Variants in CDH13 observed in about 807,000 individuals in gnomAD.
CDH13 encodes the protein cadherin 13.
A neutral mutation model predicts 63.8 loss-of-function variants in CDH13; 24 were observed. That is an observed-to-expected ratio of 0.38 (90% CI 0.27 to 0.53). The LOEUF is 0.53. Among genes scored for constraint, CDH13 ranks in the 20% least tolerant of loss-of-function variants. The pLI, the probability that CDH13 is intolerant of heterozygous loss-of-function variation, is 0.85. For synonymous variants in CDH13, 503 were observed against 355.3 expected (o/e 1.42, Z -4.67); for missense variants, 1,049 against 903.1 (o/e 1.16, Z -2.07).
intron 1 of CDH13, among the ~76,000 whole-genome samples, chr16:82,830,364 C>T (rs568991443): frequency 4.1e-4 from 63 of 152,304 alleles, no homozygotes; most frequent in African/African-American, 1.5e-3. Flanking sequence ...GTAGGGATTA[C>T]AGAGTTGAGC....
At chr16:82,762,385 T>G (rs545858734) in intron 1 of CDH13, among the ~76,000 whole-genome samples, 11 of 152,354 alleles carry the variant, frequency 7.2e-5, no homozygotes, top group African/African-American at 2.2e-4. Flanking sequence ...TGTGATTTTC[T>G]AAAATATTAT....
At chr16:83,028,434 C>T (rs955295405) in intron 2 of CDH13, among the ~76,000 whole-genome samples, 6 of 152,088 alleles carry the variant, frequency 3.9e-5, no homozygotes, top group Non-Finnish European at 5.9e-5. Flanking sequence ...CTTTGCAGAG[C>T]GATCAAAAGG....
intron 4 of CDH13, among the ~76,000 whole-genome samples, chr16:83,128,155 G>A (rs1298058552): frequency 6.6e-6 from 1 of 152,184 alleles, no homozygotes; most frequent in African/African-American, 2.4e-5. Flanking sequence ...AGATGTCAGG[G>A]CTCCACCCTC....
chr16:83,298,466 C>G (rs951602503), intron 5 of CDH13, among the ~76,000 whole-genome samples: 3 of 152,122 alleles, frequency 2.0e-5, no homozygotes, highest in African/African-American at 7.2e-5. Context: ...GGCCCTACCT[C>G]AAGCCTGCAA....
chr16:83,164,955 A>G (rs559151324), intron 4 of CDH13, among the ~76,000 whole-genome samples: 13 of 151,914 alleles, frequency 8.6e-5, no homozygotes, highest in African/African-American at 2.7e-4. Flanking sequence ...AGGTAAAACC[A>G]TGGCAGAACT....
At chr16:83,180,632 G>C (rs1249681065) in intron 4 of CDH13, among the ~76,000 whole-genome samples, 1 of 152,120 alleles carries the variant, frequency 6.6e-6, no homozygotes, top group Non-Finnish European at 1.5e-5. Context: ...TGAAAACATG[G>C]TCCCAGCAGT....
chr16:83,213,801 TA>T lies in CDH13; in HGVS notation c.484-3543del, dbSNP rs2039408459. Reference sequence around the variant, plus strand: ...GAGTGGGGACTTGCAGAACTTTTCTTAGAAGAGGATGGTAAAATGCACCAAT... The same window carrying T: ...GAGTGGGGACTTGCAGAACTTTTCTTGAAGAGGATGGTAAAATGCACCAAT... On this transcript the variant is annotated intron_variant, in intron 4 of 13. Transcript: ENST00000567109. Among the ~76,000 whole-genome samples the T allele has an allele frequency of 3.3e-5, 5 of 152,076 alleles. 1 individual carries two copies. The South Asian group carries it at 1.0e-3, about 32-fold the overall frequency.
intron 10 of CDH13, among the ~76,000 whole-genome samples, chr16:83,744,303 A>T (rs1483420424): frequency 6.6e-6 from 1 of 152,232 alleles, no homozygotes; most frequent in Non-Finnish European, 1.5e-5. Flanking sequence ...CTACTGGGAA[A>T]GTCACACTGG....
At chr16:82,748,346 G>T (rs1011877173) in intron 1 of CDH13, among the ~76,000 whole-genome samples, 1 of 152,184 alleles carries the variant, frequency 6.6e-6, no homozygotes, top group Non-Finnish European at 1.5e-5. Context: ...GTTTTGCTTG[G>T]TATCAGCTTT....
In CDH13 at chr16:82,681,073, G is replaced by C. The variant is rs567507309; in HGVS notation, c.45+53936G>C. 3.6e-4 allele frequency among the ~76,000 whole-genome samples: 55 copies of C among 152,310 alleles called. 2 individuals are homozygous for C. Among genetic ancestry groups the C allele is most frequent in the African/African-American group, 1.3e-3 (54 of 41,550 alleles). ...AGGTCTGTTCTGGCATGGCAAAGGG[G>C]CTTGCCCAGCACTATCAGCAATCTG... On this transcript the variant is annotated intron_variant, in intron 1 of 13. Transcript: ENST00000567109.
At chr16:82,713,995 G>T (rs1012401271) in intron 1 of CDH13, among the ~76,000 whole-genome samples, 1 of 152,042 alleles carries the variant, frequency 6.6e-6, no homozygotes, top group Non-Finnish European at 1.5e-5. Flanking sequence ...CTAGGCTGGA[G>T]TGCATGTTGG....
At chr16:82,805,485 T>C (rs2037095130) in intron 1 of CDH13, among the ~76,000 whole-genome samples, 1 of 151,780 alleles carries the variant, frequency 6.6e-6, no homozygotes, top group Non-Finnish European at 1.5e-5. Context: ...GCCAGAAGAG[T>C]GTATTTGGGC....
chr16:83,305,762 C>A (rs533088370), intron 5 of CDH13, among the ~76,000 whole-genome samples: 3 of 152,204 alleles, frequency 2.0e-5, no homozygotes, highest in Admixed American at 1.3e-4. Context: ...ATACTACTTA[C>A]CTTAGGATGT....
At chr16:82,982,396 C>G (rs1388388669) in intron 2 of CDH13, among the ~76,000 whole-genome samples, 1 of 152,126 alleles carries the variant, frequency 6.6e-6, no homozygotes, top group African/African-American at 2.4e-5. Flanking sequence ...TAAAATACCA[C>G]AAATTTATTA....
intron 1 of CDH13, among the ~76,000 whole-genome samples, chr16:82,796,891 A>G (rs577262682): frequency 1.8e-4 from 28 of 152,350 alleles, no homozygotes; most frequent in Non-Finnish European, 3.7e-4. Context: ...CTGTGGACCT[A>G]TGTGTACTGG....
chr16:82,830,679 T>C (rs2038495609), intron 1 of CDH13, among the ~76,000 whole-genome samples: 1 of 152,266 alleles, frequency 6.6e-6, no homozygotes, highest in Non-Finnish European at 1.5e-5. Context: ...TGGCATGGAC[T>C]ATGTCTGTTT....
At position 83,796,360 on chromosome 16, in the gene CDH13, C is replaced by T. The variant is rs1215044464; in HGVS notation, c.*1330C>T. 7 of 152,310 alleles carry T rather than the reference C, an allele frequency of 4.6e-5. No homozygotes were observed. In the East Asian group the frequency reaches 1.3e-3, roughly 29 times the overall value. The allele number at this position is 152,310 out of a possible 1,614,324, so 9.4% of individuals were successfully genotyped here. On this transcript the variant is annotated 3_prime_UTR_variant, in exon 14 of 14. Transcript: ENST00000567109. ...TAGCATATTTTAATGCAGTTGCTTA[C>T]TAAAGGTTTTAACCGCACATGCACA...
chr16:83,199,931 A>G (rs1287669361), intron 4 of CDH13, among the ~76,000 whole-genome samples: 2 of 152,172 alleles, frequency 1.3e-5, no homozygotes, highest in Non-Finnish European at 2.9e-5. Flanking sequence ...CCACTGCACC[A>G]CGGGGGCAGG....
intron 1 of CDH13, among the ~76,000 whole-genome samples, chr16:82,656,144 A>G (rs529823551): frequency 2.6e-5 from 4 of 152,310 alleles, no homozygotes; most frequent in Middle Eastern, 6.8e-3. Flanking sequence ...ATGAGCTGAG[A>G]CTGAAAATCA....
Sources: gnomAD v4.1 joint callset for allele counts (sites outside exome capture counted in the v4.1 genomes callset) on GRCh38, gnomAD v4.1.1 for gene constraint, MANE v1.5 for transcripts, NCBI Gene and HGNC (gene_info 2026-07-23, HGNC 2026-07-21) for gene names.